Variants in ELL2 observed in about 807,000 individuals in gnomAD.
ELL2 encodes elongation factor for RNA polymerase II 2.
In ELL2, 21 loss-of-function variants were observed where a neutral mutation model predicts 72.8. The observed-to-expected ratio is 0.29, with a 90% CI of 0.20 to 0.42. The LOEUF (loss-of-function observed/expected upper bound fraction) is 0.42, where lower values mean the gene tolerates loss of function less well. Among genes scored for constraint, ELL2 ranks in the 10% least tolerant of loss-of-function variants. The pLI is 1.00. For synonymous variants in ELL2, 266 were observed against 283.2 expected, an observed-to-expected ratio of 0.94 and a Z score of 0.61; for missense variants, 568 against 772.8, an observed-to-expected ratio of 0.73 and a Z score of 3.14.
At chr5:95,904,366 T>C (rs911476066) in intron 5 of ELL2, among the ~76,000 whole-genome samples, 1 of 152,220 alleles carries the variant, frequency 6.6e-6, no homozygotes, top group Non-Finnish European at 1.5e-5. Context: ...CTTTATCTAG[T>C]TTCTGATTGT....
At chr5:95,929,503 C>T (rs940950191) in intron 2 of ELL2, among the ~76,000 whole-genome samples, 4 of 152,038 alleles carry the variant, frequency 2.6e-5, no homozygotes, top group Admixed American at 6.5e-5. Context: ...GTGATCTGCC[C>T]GCCTTGGCCT....
chr5:95,961,443 T>A, intron 1 of ELL2, 132 bp downstream of exon 1: 1 of 1,183,876 alleles, frequency 8.4e-7, no homozygotes, highest in South Asian at 2.6e-5. Context: ...GGCCCTGCCC[T>A]GCCTGGCCGC....
At chr5:95,891,348 A>T (rs1748655913) in intron 9 of ELL2, 74 bp from the exon 10 acceptor site, 1 of 1,444,094 alleles carries the variant, frequency 6.9e-7, no homozygotes, top group Non-Finnish European at 9.3e-7. Flanking sequence ...TTTAAACCAA[A>T]TATTTAGAGA....
rs561640194 is a variant in ELL2, at chr5:95,895,600, C to G, written c.1589+28G>C. The G allele has an allele frequency of 3.8e-6, 6 of 1,598,544 alleles. No homozygotes were observed. The African/African-American group carries it at 5.4e-5, about 14-fold the overall frequency. Reference sequence around the variant, plus strand: ...GCAAACTTTCTAAAATTAAGCCGCTCTCTCCATTGGCAGACATATGAACTT... The same window carrying G: ...GCAAACTTTCTAAAATTAAGCCGCTGTCTCCATTGGCAGACATATGAACTT... On this transcript the variant is annotated intron_variant, in intron 9 of 11. Transcript: ENST00000237853.
intron 2 of ELL2, among the ~76,000 whole-genome samples, chr5:95,929,024 C>T (rs1750496468): frequency 6.6e-6 from 1 of 152,160 alleles, no homozygotes; most frequent in South Asian, 2.1e-4. Flanking sequence ...CACTTCTTGC[C>T]TTAGCTCATG....
At chr5:95,929,368 C>A (rs1750513704) in intron 2 of ELL2, among the ~76,000 whole-genome samples, 1 of 151,438 alleles carries the variant, frequency 6.6e-6, no homozygotes, top group Non-Finnish European at 1.5e-5. Context: ...AAGCGATTCT[C>A]CTGCCTCAGC....
intron 2 of ELL2, among the ~76,000 whole-genome samples, chr5:95,919,762 G>A (rs1749976173): frequency 6.6e-6 from 1 of 152,128 alleles, no homozygotes; most frequent in Admixed American, 6.5e-5. Context: ...CTACCTTTAA[G>A]TGTCAGTAAT....
chr5:95,898,091 GAAAAA>G (rs61457748), intron 8 of ELL2, 144 bp downstream of exon 8: 5 of 440,586 alleles, frequency 1.1e-5, no homozygotes, highest in Non-Finnish European at 1.1e-5. Flanking sequence ...GCTGTAAAAT[GAAAAA>G]AAAAAAAAAA....
intron 2 of ELL2, among the ~76,000 whole-genome samples, chr5:95,934,069 A>G (rs1750688758): frequency 6.6e-6 from 1 of 152,208 alleles, no homozygotes; most frequent in Admixed American, 6.5e-5. Context: ...CTAATCTGAA[A>G]ACTGACTTAT....
Position 95,885,888 on chromosome 5 carries a change from G to A in ELL2, c.*2983C>T, listed in dbSNP as rs1580470585. ...TTAAGCCCTCTAAAGTATTCAAAGT[G>A]GAATAAATAACAAGGTAGGAAATGC... On this transcript the variant is annotated 3_prime_UTR_variant, in exon 12 of 12. Transcript: ENST00000237853. The A allele has an allele frequency of 1.3e-5, 2 of 152,136 alleles. No homozygotes were observed. Among genetic ancestry groups the A allele is most frequent in the South Asian group, 4.1e-4 (2 of 4,822 alleles). The allele number at this position is 152,136 out of a possible 1,614,324, so 9.4% of individuals were successfully genotyped here.
chr5:95,943,939 C>T (rs1282046426), intron 1 of ELL2, among the ~76,000 whole-genome samples: 2 of 152,192 alleles, frequency 1.3e-5, no homozygotes, highest in South Asian at 2.1e-4. Flanking sequence ...AAATTGCCAA[C>T]AGAAACCCAC....
chr5:95,924,212 C>T (rs1010711349), intron 2 of ELL2, among the ~76,000 whole-genome samples: 2 of 151,680 alleles, frequency 1.3e-5, no homozygotes, highest in Non-Finnish European at 2.9e-5. Flanking sequence ...TATGCAGGAG[C>T]CTATTCCATT....
intron 1 of ELL2, among the ~76,000 whole-genome samples, chr5:95,953,621 C>A (rs992469863): frequency 6.6e-6 from 1 of 152,164 alleles, no homozygotes; most frequent in Admixed American, 6.5e-5. Flanking sequence ...AAGAAACAAG[C>A]GCTCATAATA....
At chr5:95,890,316 GT>G (rs1486008711) in intron 10 of ELL2, among the ~76,000 whole-genome samples, 1 of 152,172 alleles carries the variant, frequency 6.6e-6, no homozygotes, top group African/African-American at 2.4e-5. Flanking sequence ...CTCTCAGGCT[GT>G]TTACTGTTGT....
rs1328411622 is a variant in ELL2 at position 95,886,848 on chromosome 5, T to C, written c.*2023A>G. 1.3e-5 allele frequency: 2 copies of C among 152,158 alleles called. No individual in the cohort carries two copies. Among genetic ancestry groups the C allele is most frequent in the African/African-American group, 4.8e-5 (2 of 41,438 alleles). 9.4% of individuals were successfully genotyped at this position (152,158 alleles called of 1,614,324 possible). A position where few individuals can be genotyped will look rare whatever the true frequency, so the allele number is the denominator to read the frequency against. On this transcript the variant is annotated 3_prime_UTR_variant, in exon 12 of 12. Coordinates refer to ENST00000237853, the MANE Select transcript of ELL2 (RefSeq NM_012081.6). ...GAGATTCTAACTCAGGTGATCCAAA[T>C]GGTCCAAGCACCTTTTGCTTTTGAG...
chr5:95,922,913 G>A (rs184638390), intron 2 of ELL2, among the ~76,000 whole-genome samples: 13 of 152,340 alleles, frequency 8.5e-5, no homozygotes, highest in Non-Finnish European at 1.9e-4. Context: ...GGGCAATTTT[G>A]TCCCCCAGAG....
At chr5:95,910,714 C>G (rs1358891483) in intron 4 of ELL2, among the ~76,000 whole-genome samples, 1 of 152,158 alleles carries the variant, frequency 6.6e-6, no homozygotes, top group African/African-American at 2.4e-5. Flanking sequence ...ATCACGCTAC[C>G]ACCATGCCAC....
chr5:95,895,169 T>G (rs996018850), intron 9 of ELL2, among the ~76,000 whole-genome samples: 1 of 152,262 alleles, frequency 6.6e-6, no homozygotes, highest in South Asian at 2.1e-4. Context: ...TTATCTCCTC[T>G]AAAAATTAAT....
chr5:95,949,580 T>C (rs574378915), intron 1 of ELL2, among the ~76,000 whole-genome samples: 67 of 152,282 alleles, frequency 4.4e-4, no homozygotes, highest in African/African-American at 1.5e-3. Flanking sequence ...AACTCTTGAA[T>C]TATTCTTTAC....
Sources: allele counts gnomAD v4.1 joint callset (sites outside exome capture counted in the v4.1 genomes callset), GRCh38; gene constraint gnomAD v4.1.1; transcripts MANE v1.5; gene names NCBI Gene and HGNC (gene_info 2026-07-23, HGNC 2026-07-21).